The following ZNF48 variants were observed in gnomAD, a reference collection of about 807,000 sequenced individuals.
The protein encoded by ZNF48 is zinc finger protein 553.
In ZNF48, 20 loss-of-function variants were observed where a neutral mutation model predicts 40.0. The ratio of observed to expected loss-of-function variants is 0.50; its 90% CI spans 0.35 to 0.73. The LOEUF (loss-of-function observed/expected upper bound fraction) is 0.73, where lower values mean the gene tolerates loss of function less well. Ranked by LOEUF, ZNF48 falls within the 30% of genes least tolerant of loss-of-function variation. The pLI, the probability that ZNF48 is intolerant of heterozygous loss-of-function variation, is 0.01. For missense variants in ZNF48, 726 were observed against 851.9 expected (o/e 0.85, Z 1.84); for synonymous variants, 298 against 329.7 (o/e 0.90, Z 1.04).
chr16:30,378,901 A>C, intron 1 of ZNF48: 4 of 975,282 alleles, frequency 4.1e-6, no homozygotes, highest in Non-Finnish European at 6.1e-6. Context: ...GGAGGGAGGG[A>C]GAGAGAAGTC....
Position 30,395,969 on chromosome 16 carries a change from G to T in ZNF48, c.79+96G>T, listed in dbSNP as rs180905275. ...CGGCCGAGATCCTGGAAGATCGGAC[G>T]TGAGCTGTGCCTCTGGGGAGATAGG... On this transcript the variant is annotated intron_variant, in intron 2 of 2. Transcript: ENST00000613509. This position sits in a 1 kb window ranked among gnomAD's most constrained non-coding sequence, Gnocchi z 5.9. The T allele has an allele frequency of 5.0e-4, 652 of 1,293,056 alleles. 10 individuals carry two copies. In the East Asian group the frequency reaches 0.019, roughly 37 times the overall value. The allele number at this position is 1,293,056 out of a possible 1,614,324, so 80.1% of individuals were successfully genotyped here. A position where few individuals can be genotyped will look rare whatever the true frequency, so the allele number is the denominator to read the frequency against.
intron 2 of ZNF48, among the ~76,000 whole-genome samples, chr16:30,396,688 C>CTTTTT (rs1167683501): frequency 2.7e-5 from 3 of 112,066 alleles, no homozygotes; most frequent in African/African-American, 3.9e-5. Flanking sequence ...CGCTTTGCTA[C>CTTTTT]TTTTTTTTTT....
Position 30,381,171 on chromosome 16 carries a change from C to T in ZNF48, c.-16+2761C>T, listed in dbSNP as rs533879375. On this transcript the variant is annotated intron_variant, in intron 1 of 2. Coordinates refer to the ZNF48 transcript ENST00000528032. This position sits in a 1 kb window ranked among gnomAD's most constrained non-coding sequence, Gnocchi z 4.3. Reference sequence around the variant, plus strand: ...GTTTCCTGGGGCATCAGAGCATCCGCTTTGCCAATGACTGGGATGATGTTG... The same window carrying T: ...GTTTCCTGGGGCATCAGAGCATCCGTTTTGCCAATGACTGGGATGATGTTG... 2 of 1,614,134 alleles carry T rather than the reference C, an allele frequency of 1.2e-6. No individual in the cohort carries two copies. The highest frequency in any genetic ancestry group is 1.7e-5 in the Admixed American group (1 of 60,006).
Position 30,381,550 on chromosome 16 carries a change from A to G in ZNF48, c.-16+3140A>G, listed in dbSNP as rs1285527545. The G allele has an allele frequency of 1.9e-6, 3 of 1,563,598 alleles. No homozygotes were observed. Among genetic ancestry groups the G allele is most frequent in the Non-Finnish European group, 1.8e-6 (2 of 1,139,946 alleles). On this transcript the variant is annotated intron_variant, in intron 1 of 2. Transcript: ENST00000528032. This position sits in a 1 kb window ranked among gnomAD's most constrained non-coding sequence, Gnocchi z 4.3. ...GGGCAAGGCTAGCCAGGACTGTGGG[A>G]GTAGAATGTCATTTCTTTGGCTCCC...
chr16:30,390,721 T>C (rs1005045850), upstream of ZNF48, among the ~76,000 whole-genome samples: 4 of 146,770 alleles, frequency 2.7e-5, no homozygotes, highest in African/African-American at 7.5e-5. Flanking sequence ...CCTGGGTTCA[T>C]GCCATTATCC....
rs755059503 is a variant in ZNF48 at position 30,381,497 on chromosome 16, G to A, written c.-16+3087G>A. ...AGCTGGGTGTGGGGAGAGGATGTGA[G>A]GTCAGAGATCAAAGGCCAGAGGGCA... On this transcript the variant is annotated intron_variant, in intron 1 of 2. Transcript: ENST00000528032. This position sits in a 1 kb window ranked among gnomAD's most constrained non-coding sequence, Gnocchi z 4.3. 2 of 1,613,556 alleles carry A rather than the reference G, an allele frequency of 1.2e-6. No homozygotes were observed. Among genetic ancestry groups the A allele is most frequent in the East Asian group, 4.5e-5 (2 of 44,894 alleles).
chr16:30,379,451 G>A (rs772524373), intron 1 of ZNF48: 9 of 1,613,752 alleles, frequency 5.6e-6, no homozygotes, highest in Non-Finnish European at 7.6e-6. Context: ...CGGTCCCCCA[G>A]GAGTAGCGGC....
Position 30,379,248 on chromosome 16 carries a change from G to A in ZNF48, c.-16+838G>A, listed in dbSNP as rs2049803945. 2.5e-6 allele frequency: 4 copies of A among 1,592,466 alleles called. No individual in the cohort carries two copies. In the African/African-American group the frequency reaches 4.0e-5, roughly 16 times the overall value. ...TTTCGGGTCCAACCCACCCGTAAGG[G>A]TCGGGTCTACAGGAAAGTCCTGCTG... On this transcript the variant is annotated intron_variant, in intron 1 of 2. Transcript: ENST00000528032.
intron 1 of ZNF48, among the ~76,000 whole-genome samples, chr16:30,388,338 G>A (rs1056431370): frequency 1.3e-5 from 2 of 151,996 alleles, no homozygotes; most frequent in African/African-American, 4.8e-5. Context: ...TAGTTTTTGT[G>A]TTTGTTTTAG....
Position 30,398,308 on chromosome 16 carries a change from A to G in ZNF48, c.1058A>G (p.His353Arg). 6.2e-7 allele frequency: 1 copy of G among 1,613,606 alleles called. No individual in the cohort carries two copies. The highest frequency in any genetic ancestry group is 8.5e-7 in the Non-Finnish European group (1 of 1,180,008). Residue 353 changes from histidine to arginine, a missense_variant, in exon 3 of 3, where the codon CAC (histidine) becomes CGC (arginine). Coordinates refer to ENST00000613509, the MANE Select transcript of ZNF48 (RefSeq NM_001214909.2). This position sits in a 1 kb window ranked among gnomAD's most constrained non-coding sequence, Gnocchi z 6.6. Reference sequence around the variant, plus strand: ...GCCCGAGTCAAACACCTCCGCACCCACAGTGGCGAGAGGCCCCATGCCTGC... The same window carrying G: ...GCCCGAGTCAAACACCTCCGCACCCGCAGTGGCGAGAGGCCCCATGCCTGC... ...SSARVKHLRT[H>R]SGERPHACPE...
At chr16:30,388,221 A>G (rs1567429669) in intron 1 of ZNF48, among the ~76,000 whole-genome samples, 1 of 151,810 alleles carries the variant, frequency 6.6e-6, no homozygotes, top group Non-Finnish European at 1.5e-5. Context: ...TGATCCACCC[A>G]CCTCAGCCTC....
At position 30,399,408 on chromosome 16, in the gene ZNF48, T is replaced by C; in HGVS notation, c.*301T>C. 1 of 273,130 alleles carries C rather than the reference T, an allele frequency of 3.7e-6. No individual in the cohort carries two copies. The highest frequency in any genetic ancestry group is 6.9e-6 in the Non-Finnish European group (1 of 144,150). 16.9% of individuals were successfully genotyped at this position (273,130 alleles called of 1,614,324 possible). On this transcript the variant is annotated 3_prime_UTR_variant, in exon 3 of 3. Transcript: ENST00000613509. ...TGGCTTTCACCTAAGGACTCAACCCTAAATTCCTGCTGCCTCATCTGTTAA... is the reference window on the plus strand; with the variant it reads ...TGGCTTTCACCTAAGGACTCAACCCCAAATTCCTGCTGCCTCATCTGTTAA...
Position 30,395,822 on chromosome 16 carries a change from C to A in ZNF48, c.28C>A (p.Pro10Thr). 1 of 1,550,136 alleles carries A rather than the reference C, an allele frequency of 6.5e-7. No individual in the cohort carries two copies. Among genetic ancestry groups the A allele is most frequent in the Non-Finnish European group, 8.7e-7 (1 of 1,152,354 alleles). The change falls in exon 2 of 3, where the codon CCA becomes ACA. Residue 10 changes from proline to threonine, a missense_variant. By Grantham distance (38) the Pro-to-Thr change is conservative. This residue lies in a region of ZNF48 where 151 missense variants were observed against 162.3 expected (regional missense o/e 0.93). Transcript: ENST00000613509. This position sits in a 1 kb window ranked among gnomAD's most constrained non-coding sequence, Gnocchi z 5.9. ...GGAGCGCGCGGTAGAGCCTTGGGGC[C>A]CAGATCTCCACCGCCCGGAGGAGAG... Reference protein sequence around the residue: MERAVEPWGPDLHRPEEREP... With the variant: MERAVEPWGTDLHRPEEREP...
intron 1 of ZNF48, chr16:30,380,952 G>A: frequency 1.5e-6 from 1 of 674,020 alleles, no homozygotes. Context: ...CCTATTTTGA[G>A]CCTTCAGAGA....
rs777641827 is a variant in ZNF48, at chr16:30,395,838, C to T, written c.44C>T (p.Pro15Leu). The T allele has an allele frequency of 1.1e-5, 17 of 1,549,488 alleles. No homozygotes were observed. The highest frequency in any genetic ancestry group is 1.9e-5 in the Admixed American group (1 of 52,964). ...CCTTGGGGCCCAGATCTCCACCGCC[C>T]GGAGGAGAGGGAGCCACAGAGAGGC... ...VEPWGPDLHR[P>L]EEREPQRGAR... Residue 15 changes from proline to leucine, a missense_variant, in exon 2 of 3, where the codon CCG becomes CTG. Pro to Leu is a moderately conservative substitution (Grantham distance 98). Around this residue, in one of 5 missense-constraint regions of ZNF48, gnomAD observed 151 missense variants for 162.3 expected, o/e 0.93. Transcript: ENST00000613509. This position sits in a 1 kb window ranked among gnomAD's most constrained non-coding sequence, Gnocchi z 5.9.
At chr16:30,378,953 T>C (rs1380184239) in intron 1 of ZNF48, 18 of 1,530,262 alleles carry the variant, frequency 1.2e-5, no homozygotes, top group Non-Finnish European at 1.6e-5. Context: ...GGACGAGTCC[T>C]CAGGGCGGGG....
intron 1 of ZNF48, chr16:30,379,406 C>T: frequency 6.3e-7 from 1 of 1,592,620 alleles, no homozygotes; most frequent in Non-Finnish European, 8.6e-7. Context: ...TCCCTGCTGG[C>T]CTTAGGACCC....
At position 30,381,842 on chromosome 16, in the gene ZNF48, C is replaced by G; in HGVS notation, c.-16+3432C>G. ...ACTTTCACACCCCCTTCCTCAATCT[C>G]TACGCCCCGGCGCTCAATGGCCAGG... On this transcript the variant is annotated intron_variant, in intron 1 of 2. Coordinates refer to the ZNF48 transcript ENST00000528032. The surrounding 1 kb of genome is among the most constrained non-coding windows in gnomAD (Gnocchi z 4.3). 6.2e-7 allele frequency: 1 copy of G among 1,614,222 alleles called. No individual in the cohort carries two copies. The highest frequency in any genetic ancestry group is 8.5e-7 in the Non-Finnish European group (1 of 1,180,038).
chr16:30,391,299 C>T (rs987634824), upstream of ZNF48, among the ~76,000 whole-genome samples: 9 of 152,212 alleles, frequency 5.9e-5, no homozygotes, highest in African/African-American at 1.7e-4. Context: ...AAATGATTCT[C>T]CTGCCTCAGC....
Sources: allele counts gnomAD v4.1 joint callset (sites outside exome capture counted in the v4.1 genomes callset), GRCh38; gene constraint gnomAD v4.1.1; regional missense constraint gnomAD v4.1.1; non-coding constraint Gnocchi (gnomAD v3.1); transcripts MANE v1.5; gene names NCBI Gene and HGNC (gene_info 2026-07-23, HGNC 2026-07-21).